RBFOX1: variants seen among roughly 807,000 people sequenced by gnomAD.
The protein encoded by RBFOX1 is RNA binding protein fox-1 homolog 1.
A neutral mutation model predicts 57.7 loss-of-function variants in RBFOX1; 8 were observed. The observed-to-expected ratio is 0.14, with a 90% CI of 0.08 to 0.25. The LOEUF is 0.25. Ranked by LOEUF, RBFOX1 falls within the 10% of genes least tolerant of loss-of-function variation. The pLI is 1.00. For synonymous variants in RBFOX1, 326 were observed against 222.4 expected, an observed-to-expected ratio of 1.47 and a Z score of -4.15; for missense variants, 611 against 548.5, an observed-to-expected ratio of 1.11 and a Z score of -1.14.
At chr16:5,991,875 C>A (rs1318709815) in intron 4 of RBFOX1, among the ~76,000 whole-genome samples, 18 of 151,998 alleles carry the variant, frequency 1.2e-4, no homozygotes, top group Admixed American at 1.2e-3. Flanking sequence ...GATGCTCTAG[C>A]ACCTGAGCAA....
chr16:5,313,135 C>G (rs931334264), intron 1 of RBFOX1, among the ~76,000 whole-genome samples: 2 of 152,274 alleles, frequency 1.3e-5, no homozygotes, highest in African/African-American at 4.8e-5. Flanking sequence ...GTTGCCCCCA[C>G]TTTAAAGATG....
At chr16:7,486,121 T>C (rs1242756699) in intron 4 of RBFOX1, among the ~76,000 whole-genome samples, 1 of 138,504 alleles carries the variant, frequency 7.2e-6, no homozygotes, top group African/African-American at 2.7e-5. Flanking sequence ...TTGTGTCTTT[T>C]TTTTTTTTTT....
chr16:7,582,956 G>A (rs1016314536), intron 6 of RBFOX1, among the ~76,000 whole-genome samples: 2 of 152,018 alleles, frequency 1.3e-5, no homozygotes, highest in Admixed American at 1.3e-4. Context: ...CTAATAATTC[G>A]ACCATACCAT....
chr16:6,857,935 T>G (rs972416799), intron 3 of RBFOX1, among the ~76,000 whole-genome samples: 1 of 152,204 alleles, frequency 6.6e-6, no homozygotes, highest in Non-Finnish European at 1.5e-5. Flanking sequence ...TTATTTTATT[T>G]TTAAGCATCA....
intron 3 of RBFOX1, among the ~76,000 whole-genome samples, chr16:5,618,945 T>TA (rs1303232692): frequency 6.6e-6 from 1 of 152,150 alleles, no homozygotes; most frequent in Non-Finnish European, 1.5e-5. Flanking sequence ...TGACTTTGGG[T>TA]AGCTGATGGG....
At chr16:7,096,060 G>A (rs8055538) in intron 4 of RBFOX1, among the ~76,000 whole-genome samples, 5,308 of 150,924 alleles carry the variant, frequency 0.035, 311 homozygotes, top group African/African-American at 0.12. Context: ...AACATGGAGA[G>A]CATCTAATGC....
intron 1 of RBFOX1, among the ~76,000 whole-genome samples, chr16:5,380,537 G>A (rs1022671605): frequency 6.6e-6 from 1 of 152,212 alleles, no homozygotes; most frequent in Non-Finnish European, 1.5e-5. Flanking sequence ...TTCATGCCAA[G>A]CTGCGAATAG....
intron 2 of RBFOX1, among the ~76,000 whole-genome samples, chr16:6,610,540 G>C (rs1481334586): frequency 6.6e-6 from 1 of 152,042 alleles, no homozygotes; most frequent in African/African-American, 2.4e-5. Context: ...TTGTTGCTAA[G>C]ACTGCTCTCA....
chr16:6,870,406 A>C (rs1260190703), intron 3 of RBFOX1, among the ~76,000 whole-genome samples: 1 of 152,200 alleles, frequency 6.6e-6, no homozygotes, highest in East Asian at 1.9e-4. Flanking sequence ...TTGTTTCAGC[A>C]AGTCTTACCT....
chr16:5,531,283 A>C (rs1343118252), intron 2 of RBFOX1, among the ~76,000 whole-genome samples: 1 of 152,140 alleles, frequency 6.6e-6, no homozygotes, highest in Non-Finnish European at 1.5e-5. Flanking sequence ...AGGAGCATGT[A>C]TCTTGCAGCA....
At chr16:6,720,277 C>T (rs1231009460) in intron 3 of RBFOX1, among the ~76,000 whole-genome samples, 2 of 152,082 alleles carry the variant, frequency 1.3e-5, no homozygotes, top group East Asian at 1.9e-4. Flanking sequence ...CTTCCCCCTT[C>T]ACTCTTTTTC....
At chr16:6,874,435 A>G (rs967596085) in intron 3 of RBFOX1, among the ~76,000 whole-genome samples, 1 of 149,294 alleles carries the variant, frequency 6.7e-6, no homozygotes, top group African/African-American at 2.5e-5. Context: ...GCTTGAATCC[A>G]GGAGATGGAG....
intron 4 of RBFOX1, among the ~76,000 whole-genome samples, chr16:7,429,391 A>G (rs911103885): frequency 5.9e-5 from 9 of 152,220 alleles, no homozygotes; most frequent in Admixed American, 3.3e-4. Flanking sequence ...CCGTCCTCTG[A>G]GAAGCCTTCC....
At chr16:7,022,553 C>A (rs906884691) in intron 3 of RBFOX1, among the ~76,000 whole-genome samples, 1 of 151,962 alleles carries the variant, frequency 6.6e-6, no homozygotes, top group African/African-American at 2.4e-5. Flanking sequence ...TTCATGATAA[C>A]CCTAGTGAAG....
rs142623241 is a variant in RBFOX1, at chr16:5,673,340, G to C, written c.318+74379G>C. Among the ~76,000 whole-genome samples, 905 of 152,136 alleles carry C rather than the reference G, an allele frequency of 5.9e-3. 6 individuals are homozygous for C. The highest frequency in any genetic ancestry group is 0.01 in the Non-Finnish European group (701 of 67,998). On this transcript the variant is annotated intron_variant, in intron 3 of 19. Transcript: ENST00000641259. The stretch of plus-strand genomic sequence containing the variant: ...AGGAAGCAGGTTCCAAGGTCGACAG[G>C]GTTGATATCAAGGTCACACCTCAGT...
rs1292954499 is a variant in RBFOX1, at chr16:5,408,859, TCA to T, written c.220-58354_220-58353del. On this transcript the variant is annotated intron_variant, in intron 1 of 2. Coordinates refer to the RBFOX1 transcript ENST00000585867. Reference sequence around the variant, plus strand: ...TTAAACAGTCAGAGTTGGTGAGAACTCACAGTCACGAAGACTGTTCCAAGAGG... The same window carrying T: ...TTAAACAGTCAGAGTTGGTGAGAACTCAGTCACGAAGACTGTTCCAAGAGG... 2.0e-5 allele frequency among the ~76,000 whole-genome samples: 3 copies of T among 152,288 alleles called. No individual in the cohort carries two copies. In the South Asian group the frequency reaches 6.2e-4, roughly 32 times the overall value.
intron 4 of RBFOX1, among the ~76,000 whole-genome samples, chr16:7,371,952 C>A (rs1274922838): frequency 3.3e-5 from 5 of 151,688 alleles, no homozygotes. Flanking sequence ...TTATTTAAGT[C>A]ATTCCCTTAA....
intron 1 of RBFOX1, among the ~76,000 whole-genome samples, chr16:6,067,544 C>G (rs760478325): frequency 2.0e-5 from 3 of 152,152 alleles, no homozygotes; most frequent in South Asian, 2.1e-4. Context: ...GTAGAATATC[C>G]AAACTATTTT....
At chr16:5,612,167 C>A (rs939677535) in intron 3 of RBFOX1, among the ~76,000 whole-genome samples, 1 of 151,406 alleles carries the variant, frequency 6.6e-6, no homozygotes, top group Non-Finnish European at 1.5e-5. Context: ...TCCCACCTAC[C>A]CACCCATTCT....
Sources: allele counts gnomAD v4.1 joint callset (sites outside exome capture counted in the v4.1 genomes callset), GRCh38; gene constraint gnomAD v4.1.1; transcripts MANE v1.5; gene names NCBI Gene and HGNC (gene_info 2026-07-23, HGNC 2026-07-21).